Variants in CCSER1 observed in about 807,000 individuals in gnomAD.
CCSER1 encodes the protein serine-rich coiled-coil domain-containing protein 1.
A neutral mutation model predicts 82.0 loss-of-function variants in CCSER1; 41 were observed. The ratio of observed to expected loss-of-function variants is 0.50; its 90% CI spans 0.39 to 0.65. The LOEUF (loss-of-function observed/expected upper bound fraction) is 0.65, where lower values mean the gene tolerates loss of function less well. Ranked by LOEUF, CCSER1 falls within the 30% of genes least tolerant of loss-of-function variation. CCSER1 has a pLI of 0.00. For synonymous variants in CCSER1, 414 were observed against 383.9 expected (o/e 1.08, Z -0.92); for missense variants, 1,119 against 1,064.2 (o/e 1.05, Z -0.72).
At chr4:91,589,901 T>TACACAC (rs768009678) in intron 10 of CCSER1, among the ~76,000 whole-genome samples, 1 of 146,834 alleles carries the variant, frequency 6.8e-6, no homozygotes, top group South Asian at 2.1e-4. Flanking sequence ...ATCACACATA[T>TACACAC]ACACACACAC....
At chr4:91,230,658 A>AAGCAC (rs535274217) in intron 10 of CCSER1, among the ~76,000 whole-genome samples, 1 of 152,066 alleles carries the variant, frequency 6.6e-6, no homozygotes, top group African/African-American at 2.4e-5. Context: ...AAAGGAAAGC[A>AAGCAC]AGCACAGCCC....
At chr4:91,310,411 A>AG (rs1445372026) in intron 10 of CCSER1, among the ~76,000 whole-genome samples, 2 of 151,554 alleles carry the variant, frequency 1.3e-5, no homozygotes, top group Non-Finnish European at 2.9e-5. Flanking sequence ...AAAAAAAAAA[A>AG]AAATCTCATA....
chr4:90,217,292 G>A (rs1363455337), intron 1 of CCSER1, among the ~76,000 whole-genome samples: 1 of 152,146 alleles, frequency 6.6e-6, no homozygotes, highest in Non-Finnish European at 1.5e-5. Flanking sequence ...CACCTCCGGG[G>A]TTCAAGTGAT....
rs1032847465 is a variant in CCSER1 at position 90,366,499 on chromosome 4, T to C, written c.1510-33537T>C. Reference sequence around the variant, plus strand: ...CACCTCAAATACTTAACATTTATTATGGTGAGAACATTTGAAATTTAGATT... The same window carrying C: ...CACCTCAAATACTTAACATTTATTACGGTGAGAACATTTGAAATTTAGATT... On this transcript the variant is annotated intron_variant, in intron 3 of 10. Transcript: ENST00000509176. 9.9e-5 allele frequency among the ~76,000 whole-genome samples: 15 copies of C among 151,968 alleles called. No homozygotes were observed. The South Asian group carries it at 1.9e-3, about 19-fold the overall frequency.
At chr4:91,226,445 A>T (rs1738212367) in intron 10 of CCSER1, among the ~76,000 whole-genome samples, 1 of 152,004 alleles carries the variant, frequency 6.6e-6, no homozygotes, top group Non-Finnish European at 1.5e-5. Flanking sequence ...GTTTTATGCT[A>T]ATGATTTAAA....
intron 4 of CCSER1, among the ~76,000 whole-genome samples, chr4:90,431,292 T>C (rs1292098708): frequency 6.6e-6 from 1 of 152,084 alleles, no homozygotes; most frequent in Non-Finnish European, 1.5e-5. Flanking sequence ...GTTAAAGTTA[T>C]ATTGTGTTGT....
chr4:90,424,051 A>C (rs940248302), intron 4 of CCSER1, among the ~76,000 whole-genome samples: 1 of 151,412 alleles, frequency 6.6e-6, no homozygotes, highest in African/African-American at 2.4e-5. Flanking sequence ...AGATTGCGCC[A>C]CTGCGCTCCA....
intron 9 of CCSER1, among the ~76,000 whole-genome samples, chr4:91,066,782 T>TTTATCAGTGTATATAAC (rs1465204499): frequency 4.6e-5 from 7 of 152,192 alleles, no homozygotes; most frequent in Admixed American, 4.6e-4. Flanking sequence ...GCTAACATTC[T>TTTATCAGTGTATATAAC]ATGTCTTTAT....
intron 5 of CCSER1, among the ~76,000 whole-genome samples, chr4:90,495,701 A>C (rs1768879993): frequency 6.6e-6 from 1 of 152,228 alleles, no homozygotes. Context: ...TTTTAGTGAC[A>C]GTTCTGTGAA....
intron 10 of CCSER1, among the ~76,000 whole-genome samples, chr4:91,589,191 T>C (rs756604980): frequency 4.0e-5 from 6 of 151,854 alleles, no homozygotes; most frequent in Non-Finnish European, 7.4e-5. Flanking sequence ...TATTATCTCT[T>C]AGATTAGGTA....
chr4:91,360,738 A>G (rs79499900), intron 10 of CCSER1, among the ~76,000 whole-genome samples: 42,096 of 151,530 alleles, frequency 0.28, 6,620 homozygotes, highest in Middle Eastern at 0.43. Context: ...AAGAGAGAGA[A>G]AGGATGCTAC....
At chr4:90,455,441 C>T (rs898957564) in intron 4 of CCSER1, among the ~76,000 whole-genome samples, 1 of 152,110 alleles carries the variant, frequency 6.6e-6, no homozygotes, top group Non-Finnish European at 1.5e-5. Flanking sequence ...TCTCCAGAGT[C>T]TGAGGGTCAA....
At chr4:90,398,669 A>G (rs750747580) in intron 3 of CCSER1, among the ~76,000 whole-genome samples, 1 of 152,160 alleles carries the variant, frequency 6.6e-6, no homozygotes, top group African/African-American at 2.4e-5. Context: ...TAAGTAGTTT[A>G]TTCTTATTGG....
chr4:91,592,096 G>A (rs1320246674), intron 10 of CCSER1, among the ~76,000 whole-genome samples: 5 of 152,136 alleles, frequency 3.3e-5, no homozygotes, highest in Admixed American at 6.6e-5. Flanking sequence ...CTACCCTTAT[G>A]CAACTTACAT....
At chr4:90,581,710 A>C (rs1319207494) in intron 5 of CCSER1, among the ~76,000 whole-genome samples, 4 of 152,092 alleles carry the variant, frequency 2.6e-5, no homozygotes, top group African/African-American at 9.7e-5. Flanking sequence ...GTTTACCTCC[A>C]TTTGACAAAG....
At chr4:90,329,195 A>G (rs1177617393) in intron 3 of CCSER1, among the ~76,000 whole-genome samples, 2 of 152,148 alleles carry the variant, frequency 1.3e-5, no homozygotes, top group Admixed American at 6.5e-5. Context: ...GTTAGATGTG[A>G]TTTTATTTTA....
rs540658276 is a variant in CCSER1 at position 90,857,327 on chromosome 4, C to A, written c.2094+41482C>A. 2.2e-4 allele frequency among the ~76,000 whole-genome samples: 33 copies of A among 152,102 alleles called. No individual in the cohort carries two copies. In the South Asian group the frequency reaches 6.6e-3, roughly 31 times the overall value. On this transcript the variant is annotated intron_variant, in intron 8 of 10. Transcript: ENST00000509176. ...TTTCTTGCTGGTTATTGAATGGAGGCCACAGTTCCTCAGTAGCTGTTAACC... is the reference window on the plus strand; with the variant it reads ...TTTCTTGCTGGTTATTGAATGGAGGACACAGTTCCTCAGTAGCTGTTAACC...
chr4:90,278,696 G>A (rs1213204184), intron 1 of CCSER1, among the ~76,000 whole-genome samples: 1 of 151,750 alleles, frequency 6.6e-6, no homozygotes, highest in East Asian at 1.9e-4. Context: ...ATGGAAGGGG[G>A]CAAGGGCTGA....
At chr4:91,568,895 CATTTGGAGG>C in intron 10 of CCSER1, among the ~76,000 whole-genome samples, 1 of 152,136 alleles carries the variant, frequency 6.6e-6, no homozygotes, top group East Asian at 1.9e-4. Context: ...ATGGTGAGGT[CATTTGGAGG>C]ACATGTGACA....
Sources: allele counts gnomAD v4.1 joint callset (sites outside exome capture counted in the v4.1 genomes callset), GRCh38; gene constraint gnomAD v4.1.1; transcripts MANE v1.5; gene names NCBI Gene and HGNC (gene_info 2026-07-23, HGNC 2026-07-21).